XKR4: variants seen among roughly 807,000 people sequenced by gnomAD.
XKR4 encodes XK-related protein 4.
Under a neutral mutation model 53.9 loss-of-function variants are expected in XKR4, and 12 were observed. That is an observed-to-expected ratio of 0.22 (90% CI 0.14 to 0.36). XKR4 has a LOEUF of 0.36. Ranked by LOEUF, XKR4 falls within the 10% of genes least tolerant of loss-of-function variation. The pLI is 1.00. For missense variants in XKR4, 799 were observed against 859.5 expected (o/e 0.93, Z 0.88); for synonymous variants, 354 against 362.4 (o/e 0.98, Z 0.26).
chr8:55,452,349 A>G, intron 2 of XKR4: 1 of 627,996 alleles, frequency 1.6e-6, no homozygotes, highest in Non-Finnish European at 2.9e-6. Flanking sequence ...CTCCCCCACC[A>G]GGGGGTCTGT....
chr8:55,469,792 T>C (rs1272468931), intron 2 of XKR4, among the ~76,000 whole-genome samples: 1 of 152,124 alleles, frequency 6.6e-6, no homozygotes, highest in Non-Finnish European at 1.5e-5. Context: ...ACAAATCTTG[T>C]ACTAAAGATT....
intron 2 of XKR4, among the ~76,000 whole-genome samples, chr8:55,364,807 T>G (rs1038398522): frequency 2.0e-5 from 3 of 152,080 alleles, no homozygotes; most frequent in Admixed American, 6.5e-5. Context: ...TAATTTTGTA[T>G]TTTTAGTAGA....
chr8:55,458,881 G>A (rs1805608875), intron 2 of XKR4, among the ~76,000 whole-genome samples: 1 of 152,174 alleles, frequency 6.6e-6, no homozygotes, highest in Non-Finnish European at 1.5e-5. Context: ...TTTTGGAAAA[G>A]GCAACATTCA....
chr8:55,416,004 A>G (rs1249634905), intron 2 of XKR4, among the ~76,000 whole-genome samples: 1 of 152,202 alleles, frequency 6.6e-6, no homozygotes, highest in Admixed American at 6.5e-5. Flanking sequence ...CAGTAGAAGC[A>G]ATATGATTTT....
chr8:55,405,866 C>T (rs149594554), intron 2 of XKR4, among the ~76,000 whole-genome samples: 1 of 152,302 alleles, frequency 6.6e-6, no homozygotes, highest in South Asian at 2.1e-4. Context: ...TGGAAATAGG[C>T]CTCCAAGGCA....
intron 2 of XKR4, among the ~76,000 whole-genome samples, chr8:55,437,006 G>T (rs1805186968): frequency 1.3e-5 from 2 of 152,260 alleles, no homozygotes; most frequent in South Asian, 4.1e-4. Context: ...GTTATGAAAG[G>T]TACGGGATTT....
chr8:55,215,156 C>T (rs1817782959), intron 1 of XKR4, among the ~76,000 whole-genome samples: 1 of 151,814 alleles, frequency 6.6e-6, no homozygotes, highest in Admixed American at 6.6e-5. Context: ...AGTATTATCA[C>T]ATGTGATAGA....
Position 55,523,357 on chromosome 8 carries a change from A to T in XKR4, c.1083A>T (p.Arg361=), listed in dbSNP as rs772584686. 21 of 1,614,178 alleles carry T rather than the reference A, an allele frequency of 1.3e-5. No homozygotes were observed. In the South Asian group the frequency reaches 2.1e-4, roughly 16 times the overall value. Residue 361 remains arginine (R), a synonymous_variant, in exon 3 of 3, where the codon CGA becomes CGT. Transcript: ENST00000327381. ...ACCAGAAGGCCCTCCGGGACTCTCGAGATGACAAGAAGCCCATCAGCTACA... is the reference window on the plus strand; with the variant it reads ...ACCAGAAGGCCCTCCGGGACTCTCGTGATGACAAGAAGCCCATCAGCTACA... The part of the protein sequence containing the change: ...ASYQKALRDS[R]DDKKPISYMA...
At chr8:55,114,504 A>G (rs1816278697) in intron 1 of XKR4, among the ~76,000 whole-genome samples, 1 of 152,176 alleles carries the variant, frequency 6.6e-6, no homozygotes, top group Non-Finnish European at 1.5e-5. Flanking sequence ...ATCATCACAA[A>G]TGGGGCCAAA....
intron 2 of XKR4, among the ~76,000 whole-genome samples, chr8:55,463,268 C>A (rs9772660): frequency 0.42 from 64,492 of 151,830 alleles, 14,089 homozygotes; most frequent in East Asian, 0.53. Flanking sequence ...AAATTATAAC[C>A]AACTGTCTCT....
intron 2 of XKR4, among the ~76,000 whole-genome samples, chr8:55,371,513 A>C (rs964092556): frequency 6.6e-5 from 10 of 152,198 alleles, no homozygotes; most frequent in African/African-American, 2.2e-4. Context: ...ATACTTGGGA[A>C]TATCAGTAAA....
At chr8:55,142,049 C>A (rs1563466980) in intron 1 of XKR4, 2 of 455,132 alleles carry the variant, frequency 4.4e-6, no homozygotes, top group Admixed American at 4.7e-5. Context: ...AGCCCTGCCA[C>A]CCCCAACAGC....
chr8:55,261,629 C>T (rs1818527432), intron 1 of XKR4, among the ~76,000 whole-genome samples: 1 of 152,066 alleles, frequency 6.6e-6, no homozygotes, highest in Non-Finnish European at 1.5e-5. Context: ...TCTCTAGGCT[C>T]ATGCAAAACA....
intron 2 of XKR4, among the ~76,000 whole-genome samples, chr8:55,379,187 C>A (rs1804196412): frequency 6.6e-6 from 1 of 152,188 alleles, no homozygotes; most frequent in South Asian, 2.1e-4. Flanking sequence ...CCACACTCTT[C>A]TCTCTGTCAG....
intron 2 of XKR4, among the ~76,000 whole-genome samples, chr8:55,372,107 GC>G (rs1187723824): frequency 2.6e-5 from 4 of 152,194 alleles, no homozygotes; most frequent in Non-Finnish European, 5.9e-5. Flanking sequence ...ACGTGCTATG[GC>G]TATGGGAAGA....
rs1009111134 is a variant in XKR4, at chr8:55,215,996, C to T, written c.806+112702C>T. ...CTCCCCACAAAAACATAGCACTTACCACTTTATTAGAATCTAAACACATAA... is the reference window on the plus strand; with the variant it reads ...CTCCCCACAAAAACATAGCACTTACTACTTTATTAGAATCTAAACACATAA... On this transcript the variant is annotated intron_variant, in intron 1 of 2. Coordinates refer to ENST00000327381, the MANE Select transcript of XKR4 (RefSeq NM_052898.2). Among the ~76,000 whole-genome samples, 7 of 152,290 alleles carry T rather than the reference C, an allele frequency of 4.6e-5. No individual in the cohort carries two copies. The East Asian group carries it at 1.4e-3, about 29-fold the overall frequency.
At chr8:55,453,430 C>A in intron 2 of XKR4, 1 of 400,766 alleles carries the variant, frequency 2.5e-6, no homozygotes, top group Non-Finnish European at 5.0e-6. Context: ...CAGCTAGGAG[C>A]AGCTTCTTGG....
intron 1 of XKR4, among the ~76,000 whole-genome samples, chr8:55,114,321 ATTAG>A (rs993893196): frequency 6.6e-6 from 1 of 152,108 alleles, no homozygotes; most frequent in Non-Finnish European, 1.5e-5. Flanking sequence ...TTCTCTGATG[ATTAG>A]TTGTGTTGAG....
chr8:55,418,504 G>A (rs572906344), intron 2 of XKR4, among the ~76,000 whole-genome samples: 17 of 152,146 alleles, frequency 1.1e-4, no homozygotes, highest in African/African-American at 3.6e-4. Flanking sequence ...CACCCCCTCC[G>A]CTGCCCTCAT....
Sources: gnomAD v4.1 joint callset for allele counts (sites outside exome capture counted in the v4.1 genomes callset) on GRCh38, gnomAD v4.1.1 for gene constraint, MANE v1.5 for transcripts, NCBI Gene and HGNC (gene_info 2026-07-23, HGNC 2026-07-21) for gene names.